The following TMEM181 variants were observed in gnomAD, a reference collection of about 807,000 sequenced individuals.
TMEM181 encodes the protein transmembrane protein 181.
Under a neutral mutation model 71.9 loss-of-function variants are expected in TMEM181, and 39 were observed. The ratio of observed to expected loss-of-function variants is 0.54; its 90% CI spans 0.42 to 0.71. The LOEUF is 0.71. Ranked by LOEUF, TMEM181 falls within the 30% of genes least tolerant of loss-of-function variation. The probability of loss-of-function intolerance (pLI) is 0.00; values close to 1 mark genes in which losing one functional copy is unlikely to be tolerated. For synonymous variants in TMEM181, 245 were observed against 228.8 expected (o/e 1.07, Z -0.64); for missense variants, 595 against 583.0 (o/e 1.02, Z -0.21).
chr6:158,573,901 T>A (rs1783019411), intron 2 of TMEM181, among the ~76,000 whole-genome samples: 4 of 148,216 alleles, frequency 2.7e-5, no homozygotes, highest in Admixed American at 2.7e-4. Flanking sequence ...CTGATGCAGC[T>A]GATGGGGAGG....
rs147216398 is a variant in TMEM181 at position 158,563,931 on chromosome 6, G to A, written c.8+3699G>A. The stretch of plus-strand genomic sequence containing the variant: ...CAAGAAGCTGGAACTACAGGTGCGC[G>A]CCACCACACCTAATTTTTGTATTTT... On this transcript the variant is annotated intron_variant, in intron 1 of 16. Coordinates refer to ENST00000684151, the MANE Select transcript of TMEM181 (RefSeq NM_001376852.1). Among the ~76,000 whole-genome samples, 1,074 of 152,110 alleles carry A rather than the reference G, an allele frequency of 7.1e-3. 6 individuals are homozygous for A. Among genetic ancestry groups the A allele is most frequent in the Non-Finnish European group, 0.011 (732 of 67,982 alleles).
chr6:158,629,483 G>A (rs1416384529), intron 14 of TMEM181, among the ~76,000 whole-genome samples: 1 of 152,146 alleles, frequency 6.6e-6, no homozygotes, highest in Non-Finnish European at 1.5e-5. Context: ...GGCTCAGTGG[G>A]TCCAGGTTTC....
Position 158,631,947 on chromosome 6 carries a change from G to GCTGACCTTCCC in TMEM181, c.*63_*73dup, listed in dbSNP as rs1786692689. The GCTGACCTTCCC allele has an allele frequency of 7.1e-7, 1 of 1,417,724 alleles. No individual in the cohort carries two copies. The highest frequency in any genetic ancestry group is 1.4e-5 in the African/African-American group (1 of 70,500). 87.8% of individuals were successfully genotyped at this position (1,417,724 alleles called of 1,614,324 possible). A position where few individuals can be genotyped will look rare whatever the true frequency, so the allele number is the denominator to read the frequency against. ...TGGATGCTTTCCCCGGTGACCGTCT[G>GCTGACCTTCCC]CTGACCTTCCCCTGTTATATTCAGA... On this transcript the variant is annotated 3_prime_UTR_variant, in exon 17 of 17. Transcript: ENST00000684151.
rs1781599051 is a variant in TMEM181, at chr6:158,548,190, C to T, written c.131+11325C>T. Among the ~76,000 whole-genome samples, 3 of 152,098 alleles carry T rather than the reference C, an allele frequency of 2.0e-5. No homozygotes were observed. The South Asian group carries it at 6.2e-4, about 32-fold the overall frequency. ...CCGAACACAGTAGTTTGGAAATAAA[C>T]CAGCCGTGTTTGTCCCGAAGCTCTG... On this transcript the variant is annotated intron_variant, in intron 1 of 16. Coordinates refer to the TMEM181 transcript ENST00000367090.
intron 10 of TMEM181, chr6:158,610,741 C>T (rs934409340): frequency 3.4e-6 from 1 of 296,450 alleles, no homozygotes; most frequent in Non-Finnish European, 6.4e-6. Flanking sequence ...CACTCAGGCA[C>T]TCGGGCTGCT....
chr6:158,631,689 G>A (rs2304785), intron 16 of TMEM181, 121 bp from the exon 17 acceptor site: 20,910 of 1,145,630 alleles, frequency 0.018, 925 homozygotes, highest in African/African-American at 0.12. Context: ...AGCAGTTGGT[G>A]ATAGAAAATT....
chr6:158,628,022 T>G (rs1274965773), intron 13 of TMEM181, among the ~76,000 whole-genome samples: 1 of 152,138 alleles, frequency 6.6e-6, no homozygotes. Flanking sequence ...GAAGCAGGCT[T>G]CCCTCGGGAG....
intron 10 of TMEM181, chr6:158,611,608 G>T: frequency 2.8e-6 from 1 of 358,088 alleles, no homozygotes; most frequent in Non-Finnish European, 5.5e-6. Context: ...GGATTGGTAG[G>T]ATGTGGAGGG....
At chr6:158,547,731 G>A (rs1256796917) in intron 1 of TMEM181, among the ~76,000 whole-genome samples, 3 of 151,660 alleles carry the variant, frequency 2.0e-5, no homozygotes, top group Admixed American at 6.6e-5. Flanking sequence ...CCTTGGTCCT[G>A]CCCATATCCA....
chr6:158,558,183 A>C (rs1007604327), upstream of TMEM181, among the ~76,000 whole-genome samples: 7 of 152,182 alleles, frequency 4.6e-5, no homozygotes, highest in Admixed American at 3.9e-4. Context: ...CTCTCGCTGG[A>C]GATGCCTCAG....
intron 2 of TMEM181, among the ~76,000 whole-genome samples, chr6:158,580,275 A>C (rs1256691057): frequency 2.0e-5 from 3 of 152,180 alleles, no homozygotes; most frequent in Non-Finnish European, 4.4e-5. Flanking sequence ...GGTGGTGGTG[A>C]GCTGAGACTG....
intron 6 of TMEM181, among the ~76,000 whole-genome samples, chr6:158,601,086 G>A (rs1354225497): frequency 1.3e-5 from 2 of 152,112 alleles, no homozygotes. Flanking sequence ...TGCTCAAGTC[G>A]TTACTTTGAT....
chr6:158,536,700 G>A (rs572540750), exon 1 of TMEM181: 2 of 1,542,582 alleles, frequency 1.3e-6, no homozygotes, highest in Admixed American at 1.9e-5. Context: ...ACAAAGGGTG[G>A]AGCGGCGGGA....
chr6:158,577,766 A>C (rs548415827), intron 2 of TMEM181, among the ~76,000 whole-genome samples: 1 of 152,338 alleles, frequency 6.6e-6, no homozygotes, highest in East Asian at 1.9e-4. Context: ...GGAGACCAGA[A>C]GTCAGTGGGC....
intron 1 of TMEM181, among the ~76,000 whole-genome samples, chr6:158,546,618 G>C (rs1781533910): frequency 6.6e-6 from 1 of 152,182 alleles, no homozygotes. Flanking sequence ...CCTGAACTGT[G>C]GGTTATCAAA....
intron 3 of TMEM181, among the ~76,000 whole-genome samples, chr6:158,581,568 A>G (rs1267107701): frequency 6.6e-6 from 1 of 152,030 alleles, no homozygotes; most frequent in Non-Finnish European, 1.5e-5. Flanking sequence ...CCTGGCTAAC[A>G]TGGTGAAACC....
intron 6 of TMEM181, among the ~76,000 whole-genome samples, chr6:158,599,491 G>C (rs983277257): frequency 1.3e-5 from 2 of 152,214 alleles, no homozygotes; most frequent in African/African-American, 4.8e-5. Flanking sequence ...AGTATTTTCT[G>C]GGAACTGTAC....
At chr6:158,569,500 G>A (rs1447740460) in intron 1 of TMEM181, among the ~76,000 whole-genome samples, 3 of 152,178 alleles carry the variant, frequency 2.0e-5, no homozygotes, top group Non-Finnish European at 4.4e-5. Flanking sequence ...TTGGACTTAA[G>A]TAGAAGTTTT....
chr6:158,621,140 G>T (rs948573885), intron 10 of TMEM181, among the ~76,000 whole-genome samples: 1 of 152,258 alleles, frequency 6.6e-6, no homozygotes, highest in Non-Finnish European at 1.5e-5. Context: ...AAAGGGAAAC[G>T]AATGTGCTTA....
Sources: gnomAD v4.1 joint callset for allele counts (sites outside exome capture counted in the v4.1 genomes callset) on GRCh38, gnomAD v4.1.1 for gene constraint, MANE v1.5 for transcripts, NCBI Gene and HGNC (gene_info 2026-07-23, HGNC 2026-07-21) for gene names.